CDK13: variants seen among roughly 807,000 people sequenced by gnomAD.
CDK13 encodes cyclin-dependent kinase 13.
Under a neutral mutation model 137.6 loss-of-function variants are expected in CDK13, and 40 were observed. That is an observed-to-expected ratio of 0.29 (90% CI 0.23 to 0.38). The LOEUF (loss-of-function observed/expected upper bound fraction) is 0.38. CDK13 is among the 10% of genes least tolerant of loss of function. The pLI, the probability that CDK13 is intolerant of heterozygous loss-of-function variation, is 1.00. For missense variants in CDK13, 1,704 were observed against 1,951.8 expected (o/e 0.87, Z 2.39); for synonymous variants, 869 against 760.1 (o/e 1.14, Z -2.36).
intron 5 of CDK13, among the ~76,000 whole-genome samples, chr7:40,040,342 G>T (rs1785578998): frequency 6.6e-6 from 1 of 151,980 alleles, no homozygotes; most frequent in African/African-American, 2.4e-5. Flanking sequence ...ATATAGTAAA[G>T]GTCCATATGT....
intron 1 of CDK13, chr7:39,952,452 G>A (rs925421695): frequency 5.3e-5 from 8 of 151,990 alleles, no homozygotes; most frequent in African/African-American, 1.9e-4. Context: ...AGTTAAAAAA[G>A]GTATCTATTT....
At chr7:40,058,484 A>G (rs1786069116) in intron 7 of CDK13, among the ~76,000 whole-genome samples, 1 of 150,462 alleles carries the variant, frequency 6.6e-6, no homozygotes. Context: ...CAGTGAGCCA[A>G]GATTGCACCA....
Position 39,976,323 on chromosome 7 carries a change from T to TCTCTCTCTCTCTCTCTCTCTCACA in CDK13, c.1212-11275_1212-11274insTCTCTCTCTCTCTCTCTCTCACAC. Among the ~76,000 whole-genome samples, 62 of 39,566 alleles carry TCTCTCTCTCTCTCTCTCTCTCACA rather than the reference T, an allele frequency of 1.6e-3. 1 individual carries two copies. Among genetic ancestry groups the TCTCTCTCTCTCTCTCTCTCTCACA allele is most frequent in the East Asian group, 7.1e-3 (10 of 1,414 alleles). 26.0% of individuals were successfully genotyped at this position (39,566 alleles called of 152,430 possible). On this transcript the variant is annotated intron_variant, in intron 1 of 13. Transcript: ENST00000181839. The stretch of plus-strand genomic sequence containing the variant: ...CTCTCTCTCTCTCTCTCTCTCTCTC[T>TCTCTCTCTCTCTCTCTCTCTCACA]CACACACACACACACACACACACAC...
At chr7:40,061,765 AATCAG>A (rs1786153960) in intron 7 of CDK13, 1 of 152,236 alleles carries the variant, frequency 6.6e-6, no homozygotes, top group Non-Finnish European at 1.5e-5. Flanking sequence ...CAAGCGTGTC[AATCAG>A]CTAGAACGTG....
intron 1 of CDK13, among the ~76,000 whole-genome samples, chr7:39,960,039 A>G (rs1196014128): frequency 2.0e-5 from 3 of 147,044 alleles, no homozygotes; most frequent in Admixed American, 6.7e-5. Context: ...TTATCTCTTC[A>G]TAGTTGTAAT....
rs17537669 is a variant in CDK13 at position 39,951,707 on chromosome 7, C to G, written c.1066C>G (p.Pro356Ala). The part of the protein sequence containing the change: ...GGSSPYSRRL[P>A]RSPSPYSRRR... ...CAGCAGCCCCTATTCTCGGCGGCTG[C>G]CGCGCTCCCCGAGCCCCTACAGTCG... The change falls in exon 1 of 14, where the codon CCG becomes GCG. Residue 356 changes from proline to alanine, a missense_variant. Physicochemically the swap from Pro to Ala is conservative, Grantham distance 27. Around this residue, in one of 5 missense-constraint regions of CDK13, gnomAD observed 1,051 missense variants for 931.0 expected, o/e 1.13. Transcript: ENST00000181839. The G allele has an allele frequency of 3.4e-3, 4,958 of 1,471,084 alleles. 15 individuals carry two copies. Among genetic ancestry groups the G allele is most frequent in the Non-Finnish European group, 4.1e-3 (4,593 of 1,121,720 alleles). The allele number at this position is 1,471,084 out of a possible 1,614,324, so 91.1% of individuals were successfully genotyped here.
rs1245093456 is a variant in CDK13 at position 40,097,226 on chromosome 7, A to T, written c.*2246A>T. 6.6e-6 allele frequency: 1 copy of T among 152,046 alleles called. No individual in the cohort carries two copies. The highest frequency in any genetic ancestry group is 1.5e-5 in the Non-Finnish European group (1 of 67,956). 9.4% of individuals were successfully genotyped at this position (152,046 alleles called of 1,614,324 possible). ...AGGACAGGGAAATTGTTGCTTTGAC[A>T]TTGAAAATTTGAACTAGAACTTCTA... On this transcript the variant is annotated 3_prime_UTR_variant, in exon 14 of 14. Transcript: ENST00000181839.
chr7:39,957,710 C>T (rs182606272), intron 1 of CDK13, among the ~76,000 whole-genome samples: 2 of 151,974 alleles, frequency 1.3e-5, no homozygotes, highest in South Asian at 4.1e-4. Context: ...TTATATTTGC[C>T]CTCTGTTGTG....
At chr7:39,957,477 C>G (rs932226135) in intron 1 of CDK13, among the ~76,000 whole-genome samples, 7 of 152,066 alleles carry the variant, frequency 4.6e-5, no homozygotes, top group African/African-American at 1.4e-4. Context: ...CATTTTTTCT[C>G]TACAGATTAG....
intron 12 of CDK13, among the ~76,000 whole-genome samples, chr7:40,090,043 G>C (rs1786887592): frequency 6.6e-6 from 1 of 152,108 alleles, no homozygotes; most frequent in Non-Finnish European, 1.5e-5. Context: ...ATTCTTTCTT[G>C]AAATAGTGAG....
intron 1 of CDK13, chr7:39,952,296 A>G (rs1787249450): frequency 6.5e-6 from 1 of 154,984 alleles, no homozygotes; most frequent in South Asian, 2.1e-4. Flanking sequence ...GGGGAATAAG[A>G]ATCAGGTACT....
chr7:40,040,360 T>C lies in CDK13; in HGVS notation c.2354-5476T>C, dbSNP rs543192831. 1.4e-4 allele frequency among the ~76,000 whole-genome samples: 21 copies of C among 152,360 alleles called. 1 individual carries two copies. The East Asian group carries it at 2.7e-3, about 20-fold the overall frequency. On this transcript the variant is annotated intron_variant, in intron 5 of 13. Coordinates refer to ENST00000181839, the MANE Select transcript of CDK13 (RefSeq NM_003718.5). ...TAGTAAAGGTCCATATGTATGTGGA[T>C]ATATTTCTGAATTTTCTGTTTTATT...
intron 5 of CDK13, among the ~76,000 whole-genome samples, chr7:40,011,804 C>G (rs1042581141): frequency 6.6e-6 from 1 of 152,096 alleles, no homozygotes; most frequent in East Asian, 1.9e-4. Context: ...ATCAAAATTA[C>G]TTTTGTCCTT....
At chr7:39,995,112 T>A (rs915918812) in intron 2 of CDK13, among the ~76,000 whole-genome samples, 1 of 152,118 alleles carries the variant, frequency 6.6e-6, no homozygotes, top group East Asian at 1.9e-4. Context: ...AGGCATTTTA[T>A]TTTTGTTGCT....
intron 1 of CDK13, among the ~76,000 whole-genome samples, chr7:39,981,358 G>A (rs1290705424): frequency 1.3e-5 from 2 of 149,086 alleles, no homozygotes; most frequent in Admixed American, 6.6e-5. Context: ...GAAAAAGTGA[G>A]AGACCCTGTC....
chr7:39,979,216 CTTTTTTTT>C (rs71560152), intron 1 of CDK13, among the ~76,000 whole-genome samples: 1 of 130,888 alleles, frequency 7.6e-6, no homozygotes, highest in African/African-American at 2.9e-5. Flanking sequence ...TCTTTTTTTT[CTTTTTTTT>C]TTTTTTTTGA....
intron 5 of CDK13, among the ~76,000 whole-genome samples, chr7:40,039,598 A>ATT (rs1785561489): frequency 6.6e-6 from 1 of 151,776 alleles, no homozygotes; most frequent in Admixed American, 6.6e-5. Context: ...TGCCCGGCTA[A>ATT]TTTTTGTATT....
intron 11 of CDK13, among the ~76,000 whole-genome samples, chr7:40,080,464 A>G (rs934990028): frequency 9.2e-5 from 14 of 152,180 alleles, no homozygotes; most frequent in Admixed American, 3.3e-4. Context: ...TTATATTTCT[A>G]TGAGGCTGTC....
intron 5 of CDK13, among the ~76,000 whole-genome samples, chr7:40,029,741 C>T (rs1218716819): frequency 1.3e-5 from 2 of 152,154 alleles, no homozygotes; most frequent in East Asian, 3.9e-4. Context: ...CAACCTCTGC[C>T]TCCCGGGTTC....
Sources: allele counts gnomAD v4.1 joint callset (sites outside exome capture counted in the v4.1 genomes callset), GRCh38; gene constraint gnomAD v4.1.1; regional missense constraint gnomAD v4.1.1; transcripts MANE v1.5; gene names NCBI Gene and HGNC (gene_info 2026-07-23, HGNC 2026-07-21).